The following TRPC3 variants were observed in gnomAD, a reference collection of about 807,000 sequenced individuals.
TRPC3 encodes the protein transient receptor potential cation channel subfamily C member 3.
TRPC3 carries 54 observed loss-of-function variants against 90.9 expected under a neutral mutation model. The ratio of observed to expected loss-of-function variants is 0.59; its 90% CI spans 0.48 to 0.75. TRPC3 has a LOEUF of 0.75. TRPC3 is among the 30% of genes least tolerant of loss of function. The pLI, the probability that TRPC3 is intolerant of heterozygous loss-of-function variation, is 0.00. For missense variants in TRPC3, 918 were observed against 1,194.5 expected (o/e 0.77, Z 3.41); for synonymous variants, 424 against 450.9 (o/e 0.94, Z 0.75).
intron 10 of TRPC3, 53 bp from the exon 11 acceptor site, chr4:121,882,482 A>G: frequency 6.5e-7 from 1 of 1,545,760 alleles, no homozygotes; most frequent in South Asian, 1.2e-5. Context: ...TAAGTGCCCC[A>G]ATCCTATTTT....
chr4:121,927,096 A>G (rs751268911), intron 2 of TRPC3, among the ~76,000 whole-genome samples: 2 of 152,246 alleles, frequency 1.3e-5, no homozygotes, highest in Non-Finnish European at 2.9e-5. Context: ...AACTAGAAGA[A>G]GAGAAATATA....
At chr4:121,929,546 A>C (rs550215276) in intron 2 of TRPC3, among the ~76,000 whole-genome samples, 1 of 152,342 alleles carries the variant, frequency 6.6e-6, no homozygotes, top group South Asian at 2.1e-4. Context: ...TGTTTCTCAG[A>C]ATAGCTTCAA....
At position 121,932,398 on chromosome 4, in the gene TRPC3, C is replaced by A; in HGVS notation, c.860G>T (p.Arg287Met). Residue 287 changes from arginine to methionine, a missense_variant, in exon 2 of 12, where the codon AGG (arginine) becomes ATG (methionine). Physicochemically the swap from Arg to Met is moderately conservative, Grantham distance 91. This residue lies in a region of TRPC3 where 609 missense variants were observed against 725.9 expected (regional missense o/e 0.84). Transcript: ENST00000379645. The surrounding 1 kb of genome is among the most constrained non-coding windows in gnomAD (Gnocchi z 7.7). Reference sequence around the variant, plus strand: ...GGCCAGCCCCTTGTAGGCATTGATCCTCGAGCGTGAGTGGCTGAAGGAGTC... The same window carrying A: ...GGCCAGCCCCTTGTAGGCATTGATCATCGAGCGTGAGTGGCTGAAGGAGTC... ...RHDSFSHSRSRINAYKGLASP... is the reference protein window; with the variant it reads ...RHDSFSHSRSMINAYKGLASP... 6.2e-7 allele frequency: 1 copy of A among 1,614,172 alleles called. No individual in the cohort carries two copies. Among genetic ancestry groups the A allele is most frequent in the African/African-American group, 1.3e-5 (1 of 75,050 alleles).
intron 5 of TRPC3, among the ~76,000 whole-genome samples, chr4:121,911,040 A>C (rs905813196): frequency 2.0e-5 from 3 of 152,206 alleles, no homozygotes; most frequent in Non-Finnish European, 2.9e-5. Context: ...CAAATTGTCC[A>C]ACTTAACAAA....
At chr4:121,883,469 G>A (rs1350109005) in intron 10 of TRPC3, among the ~76,000 whole-genome samples, 2 of 151,864 alleles carry the variant, frequency 1.3e-5, no homozygotes, top group Non-Finnish European at 2.9e-5. Flanking sequence ...TTTTAAAATG[G>A]GCAAAAGACA....
chr4:121,938,281 C>A (rs892987591), intron 1 of TRPC3, among the ~76,000 whole-genome samples: 5 of 152,184 alleles, frequency 3.3e-5, no homozygotes, highest in Non-Finnish European at 5.9e-5. Flanking sequence ...CCCAACTCAC[C>A]TTCTTCCTTA....
chr4:121,931,955 C>T (rs1332195835), intron 2 of TRPC3, among the ~76,000 whole-genome samples: 1 of 152,174 alleles, frequency 6.6e-6, no homozygotes, highest in Non-Finnish European at 1.5e-5. Context: ...GACAAAAAGT[C>T]ACACCCAAAC....
At chr4:121,910,010 G>T in intron 6 of TRPC3, 144 bp downstream of exon 6, 1 of 659,428 alleles carries the variant, frequency 1.5e-6, no homozygotes, top group African/African-American at 1.8e-5. Context: ...AGTTTTGTAG[G>T]TTCCAAAGTT....
At chr4:121,944,449 TA>T (rs1319618852) in intron 1 of TRPC3, among the ~76,000 whole-genome samples, 1 of 151,942 alleles carries the variant, frequency 6.6e-6, no homozygotes, top group African/African-American at 2.4e-5. Context: ...GTTTATGGGA[TA>T]TTGTAGGCAG....
In TRPC3 at chr4:121,910,340, C is replaced by A; in HGVS notation, c.1606G>T (p.Glu536Ter). The stretch of plus-strand genomic sequence containing the variant: ...ACATTCCACAACTGCAAAATGTATT[C>A]CCTAGGTCCTTCCAGCCAGAGCTCT... The part of the protein sequence containing the change: ...CKELWLEGPR[E>*]YILQLWNVLD... Residue 536 changes from glutamate to a stop codon, truncating the protein, a stop_gained, in exon 6 of 12, where the codon GAA becomes TAA. Transcript: ENST00000379645. LOFTEE classifies it high-confidence loss of function. 2 of 1,613,744 alleles carry A rather than the reference C, an allele frequency of 1.2e-6. No individual in the cohort carries two copies. The highest frequency in any genetic ancestry group is 1.7e-6 in the Non-Finnish European group (2 of 1,179,728).
intron 10 of TRPC3, among the ~76,000 whole-genome samples, chr4:121,883,180 C>A (rs1239626661): frequency 6.6e-6 from 1 of 151,784 alleles, no homozygotes; most frequent in East Asian, 1.9e-4. Flanking sequence ...AGCTTCTGAA[C>A]CCTTAAAAGA....
rs768500830 is a variant in TRPC3 at position 121,910,231 on chromosome 4, T to C, written c.1715A>G (p.Gln572Arg). 5 of 1,613,874 alleles carry C rather than the reference T, an allele frequency of 3.1e-6. No homozygotes were observed. Among genetic ancestry groups the C allele is most frequent in the Admixed American group, 1.7e-5 (1 of 59,974 alleles). The change falls in exon 6 of 12, where the codon CAG becomes CGG. Residue 572 changes from glutamine (Q) to arginine (R), a missense_variant. Physicochemically the swap from Gln to Arg is conservative, Grantham distance 43 (BLOSUM62 1). Coordinates refer to ENST00000379645, the MANE Select transcript of TRPC3 (RefSeq NM_001130698.2). The part of the protein sequence containing the change: ...LAFLQATKAQ[Q>R]YVDSYVQESD... Reference sequence around the variant, plus strand: ...CTCTTGGACGTAACTGTCCACATACTGTTGTGCCTTCGTTGCCTGAAGGAA... The same window carrying C: ...CTCTTGGACGTAACTGTCCACATACCGTTGTGCCTTCGTTGCCTGAAGGAA...
intron 10 of TRPC3, among the ~76,000 whole-genome samples, chr4:121,890,203 G>T (rs1204157792): frequency 6.6e-6 from 1 of 152,112 alleles, no homozygotes; most frequent in Non-Finnish European, 1.5e-5. Context: ...TGGTCACCAG[G>T]TACAAAGTTA....
rs1727785770 is a variant in TRPC3 at position 121,877,168 on chromosome 4, T to A, written c.*2568A>T. On this transcript the variant is annotated 3_prime_UTR_variant, in exon 12 of 12. Transcript: ENST00000379645. The stretch of plus-strand genomic sequence containing the variant: ...CAGCAATCCCCTCGACTAATCCTCA[T>A]CTCAACCGTATGCTACCACATTAAT... Among the ~76,000 whole-genome samples, 1 of 152,178 alleles carries A rather than the reference T, an allele frequency of 6.6e-6. No homozygotes were observed. Among genetic ancestry groups the A allele is most frequent in the Admixed American group, 6.5e-5 (1 of 15,272 alleles).
At chr4:121,912,826 A>G (rs185416179) in intron 4 of TRPC3, among the ~76,000 whole-genome samples, 2 of 152,348 alleles carry the variant, frequency 1.3e-5, no homozygotes, top group East Asian at 1.9e-4. Flanking sequence ...AAAATCCCCT[A>G]TGATATAATG....
At chr4:121,938,255 G>A (rs535456049) in intron 1 of TRPC3, among the ~76,000 whole-genome samples, 3 of 152,146 alleles carry the variant, frequency 2.0e-5, no homozygotes, top group East Asian at 3.9e-4. Context: ...TCTATCACCT[G>A]GTTACTCTAA....
chr4:121,922,180 C>G lies in TRPC3; in HGVS notation c.1176+2838G>C, dbSNP rs148189523. 9.1e-3 allele frequency among the ~76,000 whole-genome samples: 1,382 copies of G among 152,090 alleles called. 59 individuals carry two copies. The highest frequency in any genetic ancestry group is 0.065 in the Admixed American group (989 of 15,274). On this transcript the variant is annotated intron_variant, in intron 3 of 11. Transcript: ENST00000379645. Reference sequence around the variant, plus strand: ...CTCGTGATCCACCTGCCTCGGCCCCCCAAAGTGCTGGGATTACAGGTGTGA... The same window carrying G: ...CTCGTGATCCACCTGCCTCGGCCCCGCAAAGTGCTGGGATTACAGGTGTGA...
At position 121,932,240 on chromosome 4, in the gene TRPC3, C is replaced by T. The variant is rs757117776; in HGVS notation, c.987+31G>A. 1.3e-6 allele frequency: 2 copies of T among 1,598,626 alleles called. No individual in the cohort carries two copies. The highest frequency in any genetic ancestry group is 1.7e-6 in the Non-Finnish European group (2 of 1,169,858). ...GCAGCGGGGAAGTTGGGTGAGCACA[C>T]AGAGCAGCCGGGGTAGAGCGCAAAG... On this transcript the variant is annotated intron_variant, in intron 2 of 11. Transcript: ENST00000379645. The surrounding 1 kb of genome is among the most constrained non-coding windows in gnomAD (Gnocchi z 7.7).
chr4:121,942,523 T>C (rs1578658323), intron 1 of TRPC3, among the ~76,000 whole-genome samples: 1 of 152,168 alleles, frequency 6.6e-6, no homozygotes. Flanking sequence ...GAGCCAAGAT[T>C]GCGCTGCTGC....
Sources: gnomAD v4.1 joint callset for allele counts (sites outside exome capture counted in the v4.1 genomes callset) on GRCh38, gnomAD v4.1.1 for gene constraint, gnomAD v4.1.1 regional missense constraint, Gnocchi (gnomAD v3.1) non-coding constraint, MANE v1.5 for transcripts, NCBI Gene and HGNC (gene_info 2026-07-23, HGNC 2026-07-21) for gene names.